MUC13: variants seen among roughly 807,000 people sequenced by gnomAD.
MUC13 encodes the protein mucin 13, cell surface associated, also known as mucin-13.
MUC13 carries 32 observed loss-of-function variants against 48.3 expected under a neutral mutation model. That is an observed-to-expected ratio of 0.66 (90% CI 0.50 to 0.89). The LOEUF is 0.89. Among genes scored for constraint, MUC13 ranks in the 40% least tolerant of loss-of-function variants. The pLI, the probability that MUC13 is intolerant of heterozygous loss-of-function variation, is 0.00. For synonymous variants in MUC13, 199 were observed against 224.9 expected (o/e 0.88, Z 1.03); for missense variants, 571 against 622.8 (o/e 0.92, Z 0.88).
chr3:124,909,530 G>T lies in MUC13; in HGVS notation c.1337+885C>A, dbSNP rs551410704. The stretch of plus-strand genomic sequence containing the variant: ...TGTGTGTGTGTGTATGTGAGACAGG[G>T]TCTTGCTCTGTCACCCAGGCTGGAG... On this transcript the variant is annotated intron_variant, in intron 10 of 11. Coordinates refer to ENST00000616727, the MANE Select transcript of MUC13 (RefSeq NM_033049.4). Among the ~76,000 whole-genome samples the T allele has an allele frequency of 9.5e-5, 14 of 147,756 alleles. No homozygotes were observed. The East Asian group carries it at 2.6e-3, about 27-fold the overall frequency.
At position 124,906,321 on chromosome 3, in the gene MUC13, A is replaced by T. The variant is rs1935318507; in HGVS notation, c.*422T>A. 6.6e-6 allele frequency: 1 copy of T among 152,564 alleles called. No individual in the cohort carries two copies. The highest frequency in any genetic ancestry group is 6.5e-5 in the Admixed American group (1 of 15,276). The allele number at this position is 152,564 out of a possible 1,614,324, so 9.5% of individuals were successfully genotyped here. A position where few individuals can be genotyped will look rare whatever the true frequency, so the allele number is the denominator to read the frequency against. ...CCTCGGACCTCCACAGTTGATGCGT[A>T]TGTCTCCCAGGGGAATTAGGTCACT... On this transcript the variant is annotated 3_prime_UTR_variant, in exon 12 of 12. Transcript: ENST00000616727.
intron 7 of MUC13, 112 bp from the exon 8 acceptor site, chr3:124,913,352 G>A (rs1935457882): frequency 6.7e-7 from 1 of 1,486,180 alleles, no homozygotes; most frequent in African/African-American, 1.4e-5. Flanking sequence ...GGTAAAATGA[G>A]ATGCTTATTG....
chr3:124,920,184 A>G, intron 5 of MUC13, 50 bp downstream of exon 5: 1 of 1,505,136 alleles, frequency 6.6e-7, no homozygotes, highest in Non-Finnish European at 9.2e-7. Flanking sequence ...AGAAGCTCGG[A>G]AGTTAGACAG....
intron 6 of MUC13, 91 bp from the exon 7 acceptor site, chr3:124,913,772 C>T: frequency 6.6e-7 from 1 of 1,505,568 alleles, no homozygotes. Flanking sequence ...TGCTGTTATA[C>T]TTTGCCTTTT....
rs928319286 is a variant in MUC13 at position 124,928,062 on chromosome 3, T to C, written c.53-69A>G. 9 of 1,041,794 alleles carry C rather than the reference T, an allele frequency of 8.6e-6. No homozygotes were observed. In the Admixed American group the frequency reaches 2.2e-4, roughly 26 times the overall value. The allele number at this position is 1,041,794 out of a possible 1,614,324, so 64.5% of individuals were successfully genotyped here. ...ATAACTAATGGCAGTTACTTAATAC[T>C]AAATCATATCCAACTCATTCTTTTT... On this transcript the variant is annotated intron_variant, in intron 1 of 11. Transcript: ENST00000616727.
intron 4 of MUC13, among the ~76,000 whole-genome samples, chr3:124,921,388 T>A (rs1224139095): frequency 6.6e-6 from 1 of 152,132 alleles, no homozygotes; most frequent in Non-Finnish European, 1.5e-5. Flanking sequence ...TGACCTCAAG[T>A]AATCTGCCCG....
At chr3:124,921,849 T>C (rs1935597507) in intron 4 of MUC13, among the ~76,000 whole-genome samples, 3 of 152,282 alleles carry the variant, frequency 2.0e-5, no homozygotes, top group Admixed American at 6.5e-5. Flanking sequence ...GATATTTATC[T>C]GTCCATTTAA....
rs766292386 is a variant in MUC13, at chr3:124,913,650, G to T, written c.996C>A (p.Asn332Lys). 16 of 1,614,070 alleles carry T rather than the reference G, an allele frequency of 9.9e-6. No homozygotes were observed. The highest frequency in any genetic ancestry group is 3.3e-4 in the Middle Eastern group (2 of 6,084). The change falls in exon 7 of 12, where the codon AAC becomes AAA. Residue 332 changes from asparagine (N) to lysine (K), a missense_variant. Physicochemically the swap from Asn to Lys is moderately conservative, Grantham distance 94 (BLOSUM62 0). Transcript: ENST00000616727. ...LTLRCDYYGC[N>K]QTADDCLNGL... ...CATTGAGGCAGTCATCCGCAGTCTGGTTACAGCCATAATAATCACACCGAA... is the reference window on the plus strand; with the variant it reads ...CATTGAGGCAGTCATCCGCAGTCTGTTTACAGCCATAATAATCACACCGAA...
In MUC13 at chr3:124,922,141, A is replaced by G. The variant is rs1330022073; in HGVS notation, c.744+56T>C. 6.3e-6 allele frequency: 10 copies of G among 1,597,170 alleles called. No individual in the cohort carries two copies. In the East Asian group the frequency reaches 2.2e-4, roughly 36 times the overall value. ...CCTGAAGACCAGCTCTACACTCTGC[A>G]ACTCAGTGTTAGAACAAAGAATGCT... is the stretch of plus-strand genomic sequence containing the variant. On this transcript the variant is annotated intron_variant, in intron 4 of 11. Coordinates refer to ENST00000616727, the MANE Select transcript of MUC13 (RefSeq NM_033049.4).
chr3:124,920,935 C>T (rs2107671030), intron 4 of MUC13, among the ~76,000 whole-genome samples: 1 of 152,356 alleles, frequency 6.6e-6, no homozygotes, highest in South Asian at 2.1e-4. Context: ...ACAGAGCAAA[C>T]TCTGTGAGAC....
chr3:124,927,069 T>A (rs1935702089), intron 2 of MUC13, among the ~76,000 whole-genome samples: 1 of 152,194 alleles, frequency 6.6e-6, no homozygotes. Flanking sequence ...TTCTATGACT[T>A]GGCTCAAGTT....
chr3:124,933,191 C>G (rs1328070410), intron 1 of MUC13, among the ~76,000 whole-genome samples: 2 of 152,174 alleles, frequency 1.3e-5, no homozygotes, highest in Non-Finnish European at 2.9e-5. Flanking sequence ...TGATGCCATT[C>G]ATTCCAGTTC....
intron 5 of MUC13, 149 bp downstream of exon 5, chr3:124,920,085 C>T (rs745427033): frequency 4.1e-6 from 3 of 731,806 alleles, no homozygotes; most frequent in Non-Finnish European, 7.0e-6. Flanking sequence ...GCACACAGTC[C>T]CCTTTGCAGT....
intron 2 of MUC13, among the ~76,000 whole-genome samples, chr3:124,926,321 C>T (rs1219472636): frequency 6.6e-6 from 1 of 152,090 alleles, no homozygotes; most frequent in Non-Finnish European, 1.5e-5. Flanking sequence ...TGCCCCATGC[C>T]CCACAGTTTG....
At chr3:124,926,119 C>T (rs1453329625) in intron 2 of MUC13, among the ~76,000 whole-genome samples, 1 of 152,202 alleles carries the variant, frequency 6.6e-6, no homozygotes, top group Non-Finnish European at 1.5e-5. Flanking sequence ...AATGTGTCTC[C>T]TTCTGGAGAC....
At chr3:124,932,509 T>A (rs1242630288) in intron 1 of MUC13, among the ~76,000 whole-genome samples, 1 of 149,108 alleles carries the variant, frequency 6.7e-6, no homozygotes, top group Middle Eastern at 3.3e-3. Flanking sequence ...GAGGTTGCAG[T>A]AAGCAGAGAT....
Position 124,913,422 on chromosome 3 carries a change from T to C in MUC13, c.1084+140A>G, listed in dbSNP as rs960221165. 3.4e-6 allele frequency: 5 copies of C among 1,466,506 alleles called. No individual in the cohort carries two copies. In the African/African-American group the frequency reaches 4.2e-5, roughly 12 times the overall value. 90.8% of individuals were successfully genotyped at this position (1,466,506 alleles called of 1,614,324 possible). On this transcript the variant is annotated intron_variant, in intron 7 of 11. Coordinates refer to ENST00000616727, the MANE Select transcript of MUC13 (RefSeq NM_033049.4). ...CATGGGCTAGCAAAGGTCCCAGCCA[T>C]GGTCCATATGTCTAAAGTCAGAAGT...
chr3:124,934,597 G>T, intron 1 of MUC13, 64 bp downstream of exon 1: 3 of 1,190,314 alleles, frequency 2.5e-6, no homozygotes, highest in Non-Finnish European at 3.8e-6. Context: ...CTATAGGCCT[G>T]CTGATTCTAC....
At chr3:124,910,597 G>A (rs1935404274) in intron 9 of MUC13, 98 bp from the exon 10 acceptor site, 1 of 1,531,408 alleles carries the variant, frequency 6.5e-7, no homozygotes, top group Non-Finnish European at 8.8e-7. Flanking sequence ...TAGCTGTGAA[G>A]ACGATCAGGT....
Sources: allele counts gnomAD v4.1 joint callset (sites outside exome capture counted in the v4.1 genomes callset), GRCh38; gene constraint gnomAD v4.1.1; transcripts MANE v1.5; gene names NCBI Gene and HGNC (gene_info 2026-07-23, HGNC 2026-07-21).